Variants in QRICH2 observed in about 807,000 individuals in gnomAD.
QRICH2 encodes the protein glutamine-rich protein 2.
In QRICH2, 119 loss-of-function variants were observed where a neutral mutation model predicts 168.3. The observed-to-expected ratio is 0.71, with a 90% CI of 0.61 to 0.82. QRICH2 has a LOEUF of 0.82. Ranked by LOEUF, QRICH2 falls within the 40% of genes least tolerant of loss-of-function variation. QRICH2 has a pLI of 0.00. For synonymous variants in QRICH2, 894 were observed against 951.2 expected, an observed-to-expected ratio of 0.94 and a Z score of 1.11; for missense variants, 2,241 against 2,491.6, an observed-to-expected ratio of 0.90 and a Z score of 2.14.
At position 76,281,866 on chromosome 17, in the gene QRICH2, G is replaced by C. The variant is rs571989831; in HGVS notation, c.4261C>G (p.Gln1421Glu). 1 of 1,612,852 alleles carries C rather than the reference G, an allele frequency of 6.2e-7. No homozygotes were observed. Among genetic ancestry groups the C allele is most frequent in the Non-Finnish European group, 8.5e-7 (1 of 1,179,564 alleles). ...GAGGGAGGCGAGCAGAGCCCCACCT[G>C]TCTCTGGAGCTTGGCCTTCTTGGAG... is the stretch of plus-strand genomic sequence containing the variant. ...RPSKKAKLQR[Q>E]DEELLGRVQS... Residue 1421 changes from glutamine to glutamate, a missense_variant and splice_region_variant, in exon 8 of 19, where the codon CAG becomes GAG. Transcript: ENST00000680821. The surrounding 1 kb of genome is among the most constrained non-coding windows in gnomAD (Gnocchi z 4.4).
At position 76,292,224 on chromosome 17, in the gene QRICH2, C is replaced by T. The variant is rs1411199734; in HGVS notation, c.2503G>A (p.Gly835Ser). ...TGGACCAAACCACGCTGAACTGCAC[C>T]AGGTTGAACCAAACCACGCTGATCC... ...GVDQRGLVQP[G>S]AVQRGLVQPG... The change falls in exon 4 of 19, where the codon GGT becomes AGT. Residue 835 changes from glycine (G) to serine (S), a missense_variant. Around this residue, in one of 3 missense-constraint regions of QRICH2, gnomAD observed 2,047 missense variants for 2,303.8 expected, o/e 0.89. Coordinates refer to ENST00000680821, the MANE Select transcript of QRICH2 (RefSeq NM_001388453.1). 1.2e-6 allele frequency: 2 copies of T among 1,603,156 alleles called. No homozygotes were observed. Among genetic ancestry groups the T allele is most frequent in the Admixed American group, 1.7e-5 (1 of 57,762 alleles).
chr17:76,307,762 C>CACCT lies in QRICH2; in HGVS notation c.233_236dup (p.Pro80GlyfsTer63), dbSNP rs2071014055. ...GCTTCTCCCGGGGCGCCCCCTTGGG[C>CACCT]ACCTCCTTGGGCGCGGGCAGGTGCG... On this transcript the variant is annotated frameshift_variant, in exon 1 of 19. Transcript: ENST00000680821. LOFTEE classifies it high-confidence loss of function. This position sits in a 1 kb window ranked among gnomAD's most constrained non-coding sequence, Gnocchi z 5.3. 21 of 1,382,238 alleles carry CACCT rather than the reference C, an allele frequency of 1.5e-5. No homozygotes were observed. Among genetic ancestry groups the CACCT allele is most frequent in the Admixed American group, 3.3e-5 (1 of 30,042 alleles). 85.6% of individuals were successfully genotyped at this position (1,382,238 alleles called of 1,614,324 possible).
At chr17:76,284,143 G>A (rs2070837823) in intron 7 of QRICH2, among the ~76,000 whole-genome samples, 1 of 121,386 alleles carries the variant, frequency 8.2e-6, no homozygotes, top group Non-Finnish European at 1.5e-5. Flanking sequence ...ACTCCAGCCT[G>A]GGCAACAGAG....
At position 76,280,836 on chromosome 17, in the gene QRICH2, T is replaced by C. The variant is rs138459708; in HGVS notation, c.4381A>G (p.Ile1461Val). 15 of 1,613,974 alleles carry C rather than the reference T, an allele frequency of 9.3e-6. No individual in the cohort carries two copies. The African/African-American group carries it at 1.9e-4, about 20-fold the overall frequency. The change falls in exon 9 of 19, where the codon ATT becomes GTT. Residue 1461 changes from isoleucine (I) to valine (V), a missense_variant. Physicochemically the swap from Ile to Val is conservative, Grantham distance 29. Coordinates refer to ENST00000680821, the MANE Select transcript of QRICH2 (RefSeq NM_001388453.1). This position sits in a 1 kb window ranked among gnomAD's most constrained non-coding sequence, Gnocchi z 7.4. ...IEDHRQKQKD[I>V]AMLYQGLEKL... ...GCCACCCTGCGGCCGCTCACAGCAA[T>C]GTCCTTCTGTTTCTGCCGATGGTCC... is the stretch of plus-strand genomic sequence containing the variant.
Position 76,307,820 on chromosome 17 carries a change from G to C in QRICH2, c.179C>G (p.Ser60Trp), listed in dbSNP as rs984707004. The C allele has an allele frequency of 1.1e-5, 14 of 1,297,106 alleles. No individual in the cohort carries two copies. In the African/African-American group the frequency reaches 1.2e-4, roughly 11 times the overall value. 80.3% of individuals were successfully genotyped at this position (1,297,106 alleles called of 1,614,324 possible). The change falls in exon 1 of 19, where the codon TCG (serine) becomes TGG (tryptophan). Residue 60 changes from serine to tryptophan, a missense_variant. This residue lies in a region of QRICH2 where 2,047 missense variants were observed against 2,303.8 expected (regional missense o/e 0.89). Coordinates refer to ENST00000680821, the MANE Select transcript of QRICH2 (RefSeq NM_001388453.1). The surrounding 1 kb of genome is among the most constrained non-coding windows in gnomAD (Gnocchi z 5.3). ...FQPSSPEPSR[S>W]LQSVRSSFSI... is the part of the protein sequence containing the mutation. ...GAACGAGCTCCGGACGGACTGCAGC[G>C]AGCGGCTGGGCTCGGGCGACGAGGG...
At chr17:76,279,301 G>A in intron 13 of QRICH2, 62 bp downstream of exon 13, 1 of 1,445,672 alleles carries the variant, frequency 6.9e-7, no homozygotes, top group Non-Finnish European at 9.6e-7. Context: ...GGTGGACACA[G>A]GTGAAGGGAG....
intron 3 of QRICH2, among the ~76,000 whole-genome samples, chr17:76,298,911 C>T (rs2070850772): frequency 1.3e-5 from 2 of 152,136 alleles, no homozygotes; most frequent in East Asian, 1.9e-4. Context: ...CCACAGCGCC[C>T]GGCCCTGAGT....
In QRICH2 at chr17:76,307,960, C is replaced by T. The variant is rs1291273349; in HGVS notation, c.39G>A (p.Ala13=). Residue 13 remains alanine, a synonymous_variant, in exon 1 of 19, where the codon GCG becomes GCA. Coordinates refer to ENST00000680821, the MANE Select transcript of QRICH2 (RefSeq NM_001388453.1). The surrounding 1 kb of genome is among the most constrained non-coding windows in gnomAD (Gnocchi z 5.3). The stretch of plus-strand genomic sequence containing the variant: ...CCTCTGGCGTGCCGATGGAGAGGTC[C>T]GCCAGCTCCCGGAGGGAGACCGTGG... ...PATTVSLREL[A]DLSIGTPEVG... 1 of 1,234,264 alleles carries T rather than the reference C, an allele frequency of 8.1e-7. No individual in the cohort carries two copies. Among genetic ancestry groups the T allele is most frequent in the Non-Finnish European group, 1.0e-6 (1 of 989,072 alleles). 76.5% of individuals were successfully genotyped at this position (1,234,264 alleles called of 1,614,324 possible).
chr17:76,285,900 C>CAT (rs2070873521), intron 7 of QRICH2, among the ~76,000 whole-genome samples: 1 of 151,536 alleles, frequency 6.6e-6, no homozygotes, highest in Non-Finnish European at 1.5e-5. Flanking sequence ...TGGCCAGGTG[C>CAT]GGTGGCTCAC....
Position 76,274,238 on chromosome 17 carries a change from A to T in QRICH2, c.5505T>A (p.Asp1835Glu). 6.3e-7 allele frequency: 1 copy of T among 1,592,814 alleles called. No homozygotes were observed. Residue 1835 changes from aspartate (D) to glutamate (E), a missense_variant, in exon 19 of 19, where the codon GAT (aspartate) becomes GAA (glutamate). This residue lies in a region of QRICH2 where 189 missense variants were observed against 169.3 expected (regional missense o/e 1.12). Coordinates refer to ENST00000680821, the MANE Select transcript of QRICH2 (RefSeq NM_001388453.1). ...NTSVSSRQQK[D>E]RPSSEGRLSQ... ...AGAGACGGCCCTCGGAGGAAGGTCT[A>T]TCTTTCTGTTGACGAGAAGAAACTG... is the stretch of plus-strand genomic sequence containing the variant.
At position 76,278,160 on chromosome 17, in the gene QRICH2, C is replaced by G. The variant is rs747942846; in HGVS notation, c.4946G>C (p.Gly1649Ala). 3.7e-6 allele frequency: 6 copies of G among 1,609,884 alleles called. No homozygotes were observed. The South Asian group carries it at 6.6e-5, about 18-fold the overall frequency. Reference protein sequence around the residue: ...NLKLGSAFPRGDLAQMEQSVG... With the variant: ...NLKLGSAFPRADLAQMEQSVG... ...GCTCTGCTCCATCTGCGCCAGGTCA[C>G]CCCGAGGGAAGGCGCTGCCCAGCTT... The change falls in exon 15 of 19, where the codon GGT (glycine) becomes GCT (alanine). Residue 1649 changes from glycine (G) to alanine (A), a missense_variant. Gly to Ala is a moderately conservative substitution (Grantham distance 60). Coordinates refer to ENST00000680821, the MANE Select transcript of QRICH2 (RefSeq NM_001388453.1).
intron 3 of QRICH2, among the ~76,000 whole-genome samples, chr17:76,301,703 A>ATTTTTTTTTT (rs370779519): frequency 0.013 from 1,629 of 121,582 alleles, 78 homozygotes; most frequent in African/African-American, 0.021. Context: ...GTGTTTTATA[A>ATTTTTTTTTT]TTTTTTTTTT....
chr17:76,299,101 G>GTA (rs2070853994), intron 3 of QRICH2, among the ~76,000 whole-genome samples: 1 of 152,098 alleles, frequency 6.6e-6, no homozygotes, highest in African/African-American at 2.4e-5. Context: ...TTGAGACAGT[G>GTA]TACAGATGAC....
chr17:76,279,121 C>A lies in QRICH2; in HGVS notation c.4836G>T (p.Ala1612=). Residue 1612 remains alanine, a synonymous_variant, in exon 14 of 19, where the codon GCG becomes GCT. Transcript: ENST00000680821. ...VTGHAIPVTP[A]GPGLPGHHSI... is the part of the protein sequence containing the mutation. Reference sequence around the variant, plus strand: ...AATGGTGCCCAGGTAGGCCTGGACCCGCGGGGGTCACGGGGATGGCACTGG... The same window carrying A: ...AATGGTGCCCAGGTAGGCCTGGACCAGCGGGGGTCACGGGGATGGCACTGG... 1 of 1,613,448 alleles carries A rather than the reference C, an allele frequency of 6.2e-7. No homozygotes were observed. The highest frequency in any genetic ancestry group is 8.5e-7 in the Non-Finnish European group (1 of 1,179,930).
In QRICH2 at chr17:76,291,552, G is replaced by C; in HGVS notation, c.3175C>G (p.His1059Asp). Residue 1059 changes from histidine (H) to aspartate (D), a missense_variant, in exon 4 of 19, where the codon CAC becomes GAC. By Grantham distance (81) the His-to-Asp change is moderately conservative (BLOSUM62 -1). Transcript: ENST00000680821. Reference protein sequence around the residue: ...QGLMHPGTDQHSPIPLSTGLG... With the variant: ...QGLMHPGTDQDSPIPLSTGLG... Reference sequence around the variant, plus strand: ...CCTGTACTCAGTGGTATTGGGCTGTGCTGGTCTGTGCCAGGATGCATCAAA... The same window carrying C: ...CCTGTACTCAGTGGTATTGGGCTGTCCTGGTCTGTGCCAGGATGCATCAAA... 1 of 1,614,120 alleles carries C rather than the reference G, an allele frequency of 6.2e-7. No homozygotes were observed. Among genetic ancestry groups the C allele is most frequent in the Non-Finnish European group, 8.5e-7 (1 of 1,180,024 alleles).
chr17:76,287,987 C>G (rs750718922), intron 5 of QRICH2, 90 bp from the exon 6 acceptor site: 10 of 1,027,010 alleles, frequency 9.7e-6, no homozygotes, highest in Non-Finnish European at 1.5e-5. Context: ...CAGCCCTCCC[C>G]GTTCCCTCTA....
intron 3 of QRICH2, among the ~76,000 whole-genome samples, chr17:76,297,652 C>T (rs1370578660): frequency 6.6e-6 from 1 of 152,142 alleles, no homozygotes; most frequent in Non-Finnish European, 1.5e-5. Context: ...CTGAGACCAA[C>T]TCAACACTGG....
At chr17:76,295,562 G>A (rs1279079285) in intron 3 of QRICH2, among the ~76,000 whole-genome samples, 1 of 152,028 alleles carries the variant, frequency 6.6e-6, no homozygotes, top group African/African-American at 2.4e-5. Flanking sequence ...AGAATCACTT[G>A]AACCCAAAAG....
chr17:76,276,535 C>T (rs776597514), intron 17 of QRICH2, 145 bp downstream of exon 17: 121 of 615,758 alleles, frequency 2.0e-4, no homozygotes, highest in Non-Finnish European at 2.9e-4. Context: ...GGTGGCTTTT[C>T]GAGAGACCTG....
Sources: gnomAD v4.1 joint callset for allele counts (sites outside exome capture counted in the v4.1 genomes callset) on GRCh38, gnomAD v4.1.1 for gene constraint, gnomAD v4.1.1 regional missense constraint, Gnocchi (gnomAD v3.1) non-coding constraint, MANE v1.5 for transcripts, NCBI Gene and HGNC (gene_info 2026-07-23, HGNC 2026-07-21) for gene names.